The following ARK2C variants were observed in gnomAD, a reference collection of about 807,000 sequenced individuals.
ARK2C encodes the protein arkadia (RNF111) C-terminal like ring finger ubiquitin ligase 2C, also known as E3 ubiquitin-protein ligase ARK2C.
chr18:46,413,052 G>T, the ARK2C span, among the ~76,000 whole-genome samples: 2 of 152,104 alleles, frequency 1.3e-5, no homozygotes, highest in African/African-American at 2.4e-5. Context: ...GCCTTAGCCG[G>T]GGGATGGGGG....
chr18:46,447,532 C>T, the ARK2C span: 26 of 1,613,776 alleles, frequency 1.6e-5, no homozygotes, highest in Non-Finnish European at 2.1e-5. Flanking sequence ...ATCACACCAC[C>T]CTATGGTTCA....
the ARK2C span, among the ~76,000 whole-genome samples, chr18:46,376,083 C>T: frequency 1.1e-4 from 17 of 152,322 alleles, no homozygotes; most frequent in African/African-American, 3.8e-4. Flanking sequence ...CAGCAAGCCT[C>T]AGCTGCTCTG....
At chr18:46,399,736 A>G in the ARK2C span, among the ~76,000 whole-genome samples, 37,419 of 152,072 alleles carry the variant, frequency 0.25, 5,422 homozygotes, top group African/African-American at 0.4. Context: ...AGAGGAGGAC[A>G]GTGTCCGGCC....
the ARK2C span, chr18:46,435,518 C>A: frequency 1.3e-6 from 1 of 774,732 alleles, no homozygotes; most frequent in Non-Finnish European, 2.1e-6. Flanking sequence ...AGTTCTCAGG[C>A]CCCAGCGTTT....
At chr18:46,383,747 G>T in the ARK2C span, among the ~76,000 whole-genome samples, 1 of 151,770 alleles carries the variant, frequency 6.6e-6, no homozygotes, top group Admixed American at 6.6e-5. Flanking sequence ...ATACAGACGG[G>T]GTTTCACCGT....
chr18:46,398,662 C>T, the ARK2C span, among the ~76,000 whole-genome samples: 3 of 151,844 alleles, frequency 2.0e-5, no homozygotes, highest in Admixed American at 6.6e-5. Context: ...CAGGGGTCCA[C>T]GCTGCTGAAC....
At chr18:46,365,121 C>T in the ARK2C span, among the ~76,000 whole-genome samples, 1 of 152,222 alleles carries the variant, frequency 6.6e-6, no homozygotes. Context: ...CATGTCCTCT[C>T]CAGGCAGCAT....
At chr18:46,428,064 G>A in the ARK2C span, among the ~76,000 whole-genome samples, 85 of 152,312 alleles carry the variant, frequency 5.6e-4, no homozygotes, top group African/African-American at 1.9e-3. Flanking sequence ...GGACGGCTGC[G>A]GGAGGGCTTG....
chr18:46,335,860 C>A, the ARK2C span: 1 of 981,100 alleles, frequency 1.0e-6, no homozygotes, highest in Non-Finnish European at 1.2e-6. Flanking sequence ...CTGCATTTAT[C>A]AAATCTTTTT....
the ARK2C span, among the ~76,000 whole-genome samples, chr18:46,441,700 A>G: frequency 2.5e-4 from 33 of 132,766 alleles, no homozygotes; most frequent in South Asian, 7.2e-4. Context: ...CATCCTGGCT[A>G]TCATGGTGAA....
chr18:46,337,203 A>G, the ARK2C span: 1 of 985,428 alleles, frequency 1.0e-6, no homozygotes, highest in African/African-American at 1.7e-5. Flanking sequence ...GCCATTTGGC[A>G]ATCTGAAAAG....
At chr18:46,400,929 A>C in the ARK2C span, among the ~76,000 whole-genome samples, 1 of 152,106 alleles carries the variant, frequency 6.6e-6, no homozygotes, top group African/African-American at 2.4e-5. Flanking sequence ...TTGACTGGGC[A>C]GGTGGAAGTG....
chr18:46,341,944 CA>C, the ARK2C span, among the ~76,000 whole-genome samples: 9 of 152,106 alleles, frequency 5.9e-5, no homozygotes, highest in African/African-American at 1.9e-4. Flanking sequence ...CACATGGGAG[CA>C]GGGGGAACGG....
At chr18:46,414,736 C>A in the ARK2C span, among the ~76,000 whole-genome samples, 1 of 152,202 alleles carries the variant, frequency 6.6e-6, no homozygotes, top group African/African-American at 2.4e-5. Context: ...AAACACAGCA[C>A]GTGGAATCCT....
the ARK2C span, among the ~76,000 whole-genome samples, chr18:46,420,320 G>A: frequency 6.6e-6 from 1 of 152,152 alleles, no homozygotes; most frequent in Non-Finnish European, 1.5e-5. Flanking sequence ...AGGAGAAAGG[G>A]GCATCAGACG....
the ARK2C span, among the ~76,000 whole-genome samples, chr18:46,338,221 T>G: frequency 5.9e-5 from 9 of 152,262 alleles, no homozygotes. Flanking sequence ...AGCCATGATC[T>G]GGAATTTTAA....
the ARK2C span, among the ~76,000 whole-genome samples, chr18:46,376,278 T>C: frequency 6.6e-6 from 1 of 152,238 alleles, no homozygotes; most frequent in Non-Finnish European, 1.5e-5. Flanking sequence ...TTTCTCTGTG[T>C]CAAGAATCTC....
the ARK2C span, chr18:46,450,851 T>C: frequency 7.5e-7 from 1 of 1,342,024 alleles, no homozygotes; most frequent in Non-Finnish European, 1.1e-6. Context: ...GGCAGGGGGG[T>C]TGTCTAATTG....
chr18:46,366,249 G>T, the ARK2C span, among the ~76,000 whole-genome samples: 1 of 131,722 alleles, frequency 7.6e-6, no homozygotes, highest in African/African-American at 2.9e-5. Context: ...CCAAGATCAC[G>T]CCAGTGCACT....
Sources: allele counts gnomAD v4.1 joint callset (sites outside exome capture counted in the v4.1 genomes callset), GRCh38; gene constraint gnomAD v4.1.1; transcripts MANE v1.5; gene names NCBI Gene and HGNC (gene_info 2026-07-23, HGNC 2026-07-21).